Variants in NAT10 observed in about 807,000 individuals in gnomAD.
NAT10 encodes N-acetyltransferase 10, also known as RNA cytidine acetyltransferase.
NAT10 carries 109 observed loss-of-function variants against 132.2 expected under a neutral mutation model. That is an observed-to-expected ratio of 0.82 (90% CI 0.71 to 0.97). The LOEUF is 0.97. Among genes scored for constraint, NAT10 ranks in the 50% least tolerant of loss-of-function variants. The probability of loss-of-function intolerance (pLI) is 0.00; values close to 1 mark genes in which losing one functional copy is unlikely to be tolerated. For missense variants in NAT10, 1,184 were observed against 1,263.4 expected (o/e 0.94, Z 0.95); for synonymous variants, 479 against 478.0 (o/e 1.00, Z -0.03).
At chr11:34,120,515 T>C (rs998114285) in intron 8 of NAT10, among the ~76,000 whole-genome samples, 1 of 152,252 alleles carries the variant, frequency 6.6e-6, no homozygotes, top group Non-Finnish European at 1.5e-5. Flanking sequence ...CATCTGGCCT[T>C]CTTCCCACCC....
intron 3 of NAT10, among the ~76,000 whole-genome samples, chr11:34,110,559 C>CTTTTTTTTTTTTTTTTTTTTTTT (rs948109196): frequency 2.9e-5 from 3 of 101,742 alleles, no homozygotes; most frequent in African/African-American, 4.5e-5. Flanking sequence ...TTTTCTTTCC[C>CTTTTTTTTTTTTTTTTTTTTTTT]TTTTTTTTTT....
chr11:34,114,549 A>G (rs112380660), intron 5 of NAT10, among the ~76,000 whole-genome samples: 12,526 of 152,010 alleles, frequency 0.082, 527 homozygotes, highest in Non-Finnish European at 0.092. Context: ...TCCCTTCATC[A>G]CTTGCACTAC....
In NAT10 at chr11:34,140,408, C is replaced by T. The variant is rs754450173; in HGVS notation, c.2428C>T (p.Arg810Trp). The stretch of plus-strand genomic sequence containing the variant: ...CTCTATCCCATGGACAGCCCTGAGC[C>T]GGGAGGAGCTGGAAGCACTCTTCCT... ...MGKPAQPALS[R>W]EELEALFLPY... Residue 810 changes from arginine to tryptophan, a missense_variant, in exon 24 of 29, where the codon CGG becomes TGG. Physicochemically the swap from Arg to Trp is moderately radical, Grantham distance 101. Coordinates refer to ENST00000257829, the MANE Select transcript of NAT10 (RefSeq NM_024662.3). 3.6e-5 allele frequency: 58 copies of T among 1,613,306 alleles called. No individual in the cohort carries two copies. The highest frequency in any genetic ancestry group is 5.0e-5 in the Admixed American group (3 of 59,984).
intron 1 of NAT10, 98 bp downstream of exon 1, chr11:34,105,890 C>A (rs527436023): frequency 1.0e-4 from 16 of 152,472 alleles, no homozygotes; most frequent in African/African-American, 3.6e-4. Flanking sequence ...GGCTCTGCAT[C>A]CGGACGGATA....
At chr11:34,123,626 T>A (rs1851934501) in intron 9 of NAT10, 136 bp from the exon 10 acceptor site, 2 of 613,982 alleles carry the variant, frequency 3.3e-6, no homozygotes, top group African/African-American at 3.8e-5. Context: ...CCAAAAGGTG[T>A]CCTGACTTTT....
chr11:34,132,376 T>TA (rs1852121522), intron 15 of NAT10, among the ~76,000 whole-genome samples, 155 bp downstream of exon 15: 1 of 152,222 alleles, frequency 6.6e-6, no homozygotes, highest in African/African-American at 2.4e-5. Context: ...TGTGTAGGTA[T>TA]AGAGCATGTA....
Position 34,124,319 on chromosome 11 carries a change from G to A in NAT10, c.1026G>A (p.Glu342=), listed in dbSNP as rs201608453. ...ALQYQEHLDY[E]IIQSLNPEFN... ...CCCACCAGGAACATCTGGATTATGA[G>A]ATTATCCAGTCTCTAAATCCTGAAT... Residue 342 remains glutamate (E), a synonymous_variant, in exon 11 of 29, where the codon GAG becomes GAA. Coordinates refer to ENST00000257829, the MANE Select transcript of NAT10 (RefSeq NM_024662.3). 272 of 1,611,802 alleles carry A rather than the reference G, an allele frequency of 1.7e-4. No homozygotes were observed. The highest frequency in any genetic ancestry group is 2.2e-4 in the Non-Finnish European group (254 of 1,178,280).
At chr11:34,144,016 T>TA (rs1455457840) in intron 28 of NAT10, among the ~76,000 whole-genome samples, 10 of 152,252 alleles carry the variant, frequency 6.6e-5, no homozygotes, top group East Asian at 1.9e-4. Context: ...GTTTAACTGT[T>TA]ACGTTGTCCT....
intron 11 of NAT10, among the ~76,000 whole-genome samples, chr11:34,126,297 C>T (rs1235897889): frequency 2.0e-5 from 3 of 152,190 alleles, no homozygotes; most frequent in African/African-American, 7.2e-5. Flanking sequence ...AGTTCTGATA[C>T]TGGTGTGTGT....
chr11:34,133,284 A>G (rs1403214318), intron 16 of NAT10, 142 bp downstream of exon 16: 6 of 674,186 alleles, frequency 8.9e-6, no homozygotes, highest in African/African-American at 1.8e-5. Flanking sequence ...CTGCTGAGAC[A>G]GGTGACTAGG....
intron 11 of NAT10, among the ~76,000 whole-genome samples, chr11:34,124,689 T>C (rs1851954610): frequency 6.6e-6 from 1 of 152,258 alleles, no homozygotes; most frequent in Non-Finnish European, 1.5e-5. Flanking sequence ...GAATCTTTCT[T>C]CTGACATCAG....
intron 21 of NAT10, chr11:34,138,920 C>G (rs975441780): frequency 6.0e-5 from 25 of 418,182 alleles, no homozygotes; most frequent in African/African-American, 4.8e-4. Flanking sequence ...AGAGGCAGGC[C>G]CAGAAGAGCC....
In NAT10 at chr11:34,134,362, G is replaced by A; in HGVS notation, c.1778G>A (p.Ser593Asn). The stretch of plus-strand genomic sequence containing the variant: ...ATTTCTCGCCAGTCCATCTTGAACA[G>A]TCTGTCTCGAGGCAAGAAGGCTTCA... ...GEISRQSILNSLSRGKKASGD... is the reference protein window; with the variant it reads ...GEISRQSILNNLSRGKKASGD... Residue 593 changes from serine (S) to asparagine (N), a missense_variant, in exon 17 of 29, where the codon AGT becomes AAT. Physicochemically the swap from Ser to Asn is conservative, Grantham distance 46. Transcript: ENST00000257829. 6.2e-7 allele frequency: 1 copy of A among 1,614,232 alleles called. No individual in the cohort carries two copies.
At chr11:34,139,025 G>C (rs1327766076) in intron 21 of NAT10, 166 bp from the exon 22 acceptor site, 6 of 602,952 alleles carry the variant, frequency 1.0e-5, no homozygotes, top group Middle Eastern at 4.4e-4. Context: ...TATGAGGAAG[G>C]TGAAGGCGAG....
Position 34,133,089 on chromosome 11 carries a change from C to T in NAT10, c.1681C>T (p.Pro561Ser), listed in dbSNP as rs768972603. 1.2e-6 allele frequency: 2 copies of T among 1,614,182 alleles called. No individual in the cohort carries two copies. Among genetic ancestry groups the T allele is most frequent in the South Asian group, 1.1e-5 (1 of 91,084 alleles). The part of the protein sequence containing the change: ...APAHHLFCLL[P>S]PVPPTQNALP... ...TGCTCACCATCTCTTCTGCCTTCTG[C>T]CTCCCGTGCCCCCCACCCAGAATGC... Residue 561 changes from proline (P) to serine (S), a missense_variant, in exon 16 of 29, where the codon CCT becomes TCT. Coordinates refer to ENST00000257829, the MANE Select transcript of NAT10 (RefSeq NM_024662.3).
At position 34,136,498 on chromosome 11, in the gene NAT10, A is replaced by G. The variant is rs182243281; in HGVS notation, c.2029-144A>G. On this transcript the variant is annotated intron_variant, in intron 19 of 28. Coordinates refer to ENST00000257829, the MANE Select transcript of NAT10 (RefSeq NM_024662.3). ...ATGATTGCTTGACTCCGGTGTTCTC[A>G]TAGTTTGAAAACCACAGCAATAAAC... is the stretch of plus-strand genomic sequence containing the variant. 3 of 882,876 alleles carry G rather than the reference A, an allele frequency of 3.4e-6. No homozygotes were observed. In the East Asian group the frequency reaches 7.5e-5, roughly 22 times the overall value. The allele number at this position is 882,876 out of a possible 1,614,324, so 54.7% of individuals were successfully genotyped here.
chr11:34,143,535 G>A lies in NAT10; in HGVS notation c.2969+7G>A, dbSNP rs773726144. ...CGATCATCAGCCTGAAAAGGTGAGG[G>A]CCCAGGGTCTGATGTGCATCTGGCG... On this transcript the variant is annotated splice_region_variant and intron_variant, in intron 28 of 28. Coordinates refer to ENST00000257829, the MANE Select transcript of NAT10 (RefSeq NM_024662.3). 8 of 1,613,090 alleles carry A rather than the reference G, an allele frequency of 5.0e-6. No individual in the cohort carries two copies. Among genetic ancestry groups the A allele is most frequent in the Non-Finnish European group, 6.8e-6 (8 of 1,179,552 alleles).
At chr11:34,134,096 A>G (rs1188173015) in intron 16 of NAT10, among the ~76,000 whole-genome samples, 3 of 152,090 alleles carry the variant, frequency 2.0e-5, no homozygotes, top group Non-Finnish European at 2.9e-5. Flanking sequence ...CCCAGGAGGC[A>G]GAGCTTGCAG....
At chr11:34,106,208 C>G (rs577135617) in intron 1 of NAT10, 2 of 152,406 alleles carry the variant, frequency 1.3e-5, no homozygotes, top group East Asian at 1.9e-4. Flanking sequence ...TTCCTTTATA[C>G]TCTTTATTCA....
Sources: allele counts gnomAD v4.1 joint callset (sites outside exome capture counted in the v4.1 genomes callset), GRCh38; gene constraint gnomAD v4.1.1; transcripts MANE v1.5; gene names NCBI Gene and HGNC (gene_info 2026-07-23, HGNC 2026-07-21).